Variants in DPYD observed in about 807,000 individuals in gnomAD.
DPYD encodes the protein dihydropyrimidine dehydrogenase [NADP(+)].
DPYD carries 109 observed loss-of-function variants against 116.2 expected under a neutral mutation model. The ratio of observed to expected loss-of-function variants is 0.94; its 90% CI spans 0.80 to 1.10. The LOEUF is 1.10. Among genes scored for constraint, DPYD ranks in the 50% least tolerant of loss-of-function variants. DPYD has a pLI of 0.00. For synonymous variants in DPYD, 440 were observed against 432.0 expected (o/e 1.02, Z -0.23); for missense variants, 1,302 against 1,254.5 (o/e 1.04, Z -0.57).
At chr1:97,916,841 T>G (rs562004848) in intron 1 of DPYD, among the ~76,000 whole-genome samples, 2 of 152,234 alleles carry the variant, frequency 1.3e-5, no homozygotes, top group Admixed American at 1.3e-4. Flanking sequence ...GACCCCCATC[T>G]CTATTTTAAA....
At chr1:97,082,557 T>C in intron 21 of DPYD, 87 bp from the exon 22 acceptor site, 3 of 1,487,924 alleles carry the variant, frequency 2.0e-6, no homozygotes, top group Non-Finnish European at 2.8e-6. Context: ...TTCCTGTTTT[T>C]ATACAATGTT....
At chr1:97,656,970 T>A (rs1259338668) in intron 8 of DPYD, among the ~76,000 whole-genome samples, 9 of 125,742 alleles carry the variant, frequency 7.2e-5, no homozygotes, top group Admixed American at 6.9e-4. Flanking sequence ...GATTGTATTT[T>A]TTTTTTTTTT....
At chr1:97,913,854 G>A (rs938016297) in intron 1 of DPYD, among the ~76,000 whole-genome samples, 4 of 151,838 alleles carry the variant, frequency 2.6e-5, no homozygotes, top group African/African-American at 4.8e-5. Context: ...ATGGGGGGGA[G>A]GAGGAAGTGC....
chr1:97,379,770 G>A (rs545791138), intron 15 of DPYD, among the ~76,000 whole-genome samples: 3 of 152,342 alleles, frequency 2.0e-5, no homozygotes, highest in East Asian at 3.9e-4. Context: ...AGAGCCCTAC[G>A]GAGTGAAATG....
chr1:97,271,681 T>A (rs7527272), intron 18 of DPYD, among the ~76,000 whole-genome samples: 3 of 152,086 alleles, frequency 2.0e-5, no homozygotes, highest in East Asian at 3.9e-4. Flanking sequence ...GGCATAAATA[T>A]ATAGATCATT....
At chr1:97,912,836 G>C (rs1036606810) in intron 1 of DPYD, among the ~76,000 whole-genome samples, 18 of 152,108 alleles carry the variant, frequency 1.2e-4, no homozygotes, top group African/African-American at 3.9e-4. Flanking sequence ...TTTTACCCCA[G>C]CACTCCTCAA....
At chr1:97,330,684 G>A (rs1043193835) in intron 16 of DPYD, among the ~76,000 whole-genome samples, 10 of 152,154 alleles carry the variant, frequency 6.6e-5, no homozygotes, top group Non-Finnish European at 8.8e-5. Flanking sequence ...GTACACTGGG[G>A]ATGAATTACC....
chr1:97,808,998 G>T (rs2101375541), intron 3 of DPYD, among the ~76,000 whole-genome samples: 1 of 152,088 alleles, frequency 6.6e-6, no homozygotes, highest in Admixed American at 6.6e-5. Flanking sequence ...GACCAGTATG[G>T]CTAAATATGA....
chr1:97,468,413 T>G (rs987180820), intron 13 of DPYD, among the ~76,000 whole-genome samples: 1 of 152,152 alleles, frequency 6.6e-6, no homozygotes, highest in Non-Finnish European at 1.5e-5. Context: ...ATTAGTGCCC[T>G]TATAGAAGAG....
intron 3 of DPYD, among the ~76,000 whole-genome samples, chr1:97,800,214 A>G (rs1014272258): frequency 6.6e-6 from 1 of 151,988 alleles, no homozygotes; most frequent in Non-Finnish European, 1.5e-5. Context: ...TTGTTTGCAC[A>G]TAGTAGGTGA....
intron 12 of DPYD, among the ~76,000 whole-genome samples, chr1:97,517,450 A>G (rs1462876525): frequency 6.6e-6 from 1 of 152,106 alleles, no homozygotes; most frequent in Non-Finnish European, 1.5e-5. Context: ...TTAGCAGTAA[A>G]CCGAATATAT....
chr1:97,203,701 T>C (rs1265923370), intron 19 of DPYD, among the ~76,000 whole-genome samples: 1 of 36,872 alleles, frequency 2.7e-5, no homozygotes, highest in Non-Finnish European at 4.7e-5. Context: ...AAAAAGTCTA[T>C]AGGGAAAATT....
chr1:97,748,588 G>A (rs1028333847), intron 3 of DPYD, among the ~76,000 whole-genome samples: 2 of 151,970 alleles, frequency 1.3e-5, no homozygotes, highest in Admixed American at 6.6e-5. Flanking sequence ...CAGCCTGGGC[G>A]ACAGAGCAAT....
intron 4 of DPYD, among the ~76,000 whole-genome samples, chr1:97,723,643 G>T (rs1024468806): frequency 2.6e-5 from 4 of 151,584 alleles, no homozygotes; most frequent in Admixed American, 1.3e-4. Flanking sequence ...TTAATCAAGA[G>T]ATTAGGATCT....
chr1:97,840,153 G>A (rs1669966831), intron 2 of DPYD, among the ~76,000 whole-genome samples: 1 of 151,960 alleles, frequency 6.6e-6, no homozygotes, highest in African/African-American at 2.4e-5. Context: ...AGCTATAGTG[G>A]ATTTTTAGAG....
chr1:97,732,731 T>C (rs568147594), intron 4 of DPYD, among the ~76,000 whole-genome samples: 1 of 152,230 alleles, frequency 6.6e-6, no homozygotes, highest in South Asian at 2.1e-4. Context: ...AAAATTAAAG[T>C]CTGGATTCTG....
chr1:97,358,059 G>A (rs564154016), intron 16 of DPYD, among the ~76,000 whole-genome samples: 26 of 152,290 alleles, frequency 1.7e-4, no homozygotes, highest in African/African-American at 6.0e-4. Context: ...AAGGGATGCC[G>A]TGAGAGATGG....
intron 11 of DPYD, among the ~76,000 whole-genome samples, chr1:97,552,138 T>G (rs1470421853): frequency 1.3e-5 from 2 of 152,034 alleles, no homozygotes; most frequent in African/African-American, 4.8e-5. Context: ...CTCACTTGCA[T>G]GGGACTCTTT....
At chr1:97,151,970 T>C (rs1476684532) in intron 20 of DPYD, among the ~76,000 whole-genome samples, 1 of 152,214 alleles carries the variant, frequency 6.6e-6, no homozygotes, top group Non-Finnish European at 1.5e-5. Context: ...TTAAGCTCTC[T>C]TCAGCCTGTC....
Sources: gnomAD v4.1 joint callset for allele counts (sites outside exome capture counted in the v4.1 genomes callset) on GRCh38, gnomAD v4.1.1 for gene constraint, MANE v1.5 for transcripts, NCBI Gene and HGNC (gene_info 2026-07-23, HGNC 2026-07-21) for gene names.